C17orf67: variants seen among roughly 807,000 people sequenced by gnomAD.
C17orf67 encodes uncharacterized protein C17orf67.
C17orf67 carries 12 observed loss-of-function variants against 11.2 expected under a neutral mutation model. The ratio of observed to expected loss-of-function variants is 1.07; its 90% CI spans 0.68 to 1.73. The LOEUF (loss-of-function observed/expected upper bound fraction) is 1.73, where lower values mean the gene tolerates loss of function less well. C17orf67 is among the 40% of genes most tolerant of loss of function. The pLI, the probability that C17orf67 is intolerant of heterozygous loss-of-function variation, is 0.00. For synonymous variants in C17orf67, 59 were observed against 46.9 expected (o/e 1.26, Z -1.05); for missense variants, 115 against 113.5 (o/e 1.01, Z -0.06).
At chr17:56,799,983 TG>T (rs1002679268) in intron 6 of C17orf67, among the ~76,000 whole-genome samples, 2 of 31,634 alleles carry the variant, frequency 6.3e-5, no homozygotes, top group Non-Finnish European at 1.4e-4. Flanking sequence ...CTTAAAGTCA[TG>T]AAAAAAAAAA....
chr17:56,823,634 T>A (rs1407785733), intron 4 of C17orf67, among the ~76,000 whole-genome samples: 3 of 152,024 alleles, frequency 2.0e-5, no homozygotes, highest in Admixed American at 6.6e-5. Context: ...GGAAATCTTT[T>A]AGAAAAATAG....
At chr17:56,830,544 A>G (rs1906171657) in intron 2 of C17orf67, among the ~76,000 whole-genome samples, 1 of 152,216 alleles carries the variant, frequency 6.6e-6, no homozygotes, top group African/African-American at 2.4e-5. Context: ...TTCTAAGAAG[A>G]AATCCCCTTG....
At chr17:56,800,127 G>A (rs1266009019) in intron 6 of C17orf67, among the ~76,000 whole-genome samples, 7 of 143,660 alleles carry the variant, frequency 4.9e-5, no homozygotes, top group African/African-American at 1.8e-4. Context: ...GTGCAGTGGC[G>A]CCATCGCGGC....
At chr17:56,801,711 T>C (rs1453152666) in intron 6 of C17orf67, among the ~76,000 whole-genome samples, 1 of 152,192 alleles carries the variant, frequency 6.6e-6, no homozygotes, top group East Asian at 1.9e-4. Context: ...TTTCTGAACA[T>C]GTTTGCGGAT....
chr17:56,830,411 G>C (rs1200862485), intron 2 of C17orf67, among the ~76,000 whole-genome samples: 1 of 151,874 alleles, frequency 6.6e-6, no homozygotes, highest in East Asian at 1.9e-4. Flanking sequence ...AAGTAAAAGG[G>C]AATGTTTAAA....
intron 1 of C17orf67, 47 bp downstream of exon 1, chr17:56,833,571 C>G (rs1273092047): frequency 6.6e-6 from 1 of 151,048 alleles, no homozygotes; most frequent in Non-Finnish European, 1.5e-5. Flanking sequence ...CGCCGCTCCG[C>G]AGCGGAGGAG....
chr17:56,828,180 T>A (rs1314097309), intron 2 of C17orf67, among the ~76,000 whole-genome samples: 1 of 143,086 alleles, frequency 7.0e-6, no homozygotes, highest in African/African-American at 2.6e-5. Context: ...ACAGGGTGGG[T>A]GGATCATCTG....
At chr17:56,821,010 A>G (rs868052374) in intron 4 of C17orf67, among the ~76,000 whole-genome samples, 15 of 152,188 alleles carry the variant, frequency 9.9e-5, no homozygotes, top group Middle Eastern at 3.4e-3. Context: ...CCTGGGTTCC[A>G]ATGATCCTCC....
rs557852746 is a variant in C17orf67 at position 56,792,260 on chromosome 17, G to A, written c.*113C>T. The A allele has an allele frequency of 6.6e-6, 1 of 152,368 alleles. No homozygotes were observed. Among genetic ancestry groups the A allele is most frequent in the South Asian group, 2.1e-4 (1 of 4,828 alleles). 9.4% of individuals were successfully genotyped at this position (152,368 alleles called of 1,614,324 possible). ...GATATGCCCACAGTTCACGAGGTCT[G>A]AAGACATCCATTTCTGCAATTTAAA... On this transcript the variant is annotated 3_prime_UTR_variant, in exon 8 of 8. Coordinates refer to ENST00000397861, the MANE Select transcript of C17orf67 (RefSeq NM_001085430.4).
chr17:56,810,193 A>G (rs958085118), intron 6 of C17orf67, among the ~76,000 whole-genome samples: 6 of 132,668 alleles, frequency 4.5e-5, no homozygotes, highest in African/African-American at 1.7e-4. Flanking sequence ...CACACCCTTC[A>G]CACACACACT....
At chr17:56,828,107 CAAAA>C (rs11379714) in intron 2 of C17orf67, among the ~76,000 whole-genome samples, 2 of 109,266 alleles carry the variant, frequency 1.8e-5, no homozygotes, top group East Asian at 4.8e-4. Flanking sequence ...GACTCAGTCT[CAAAA>C]AAAAAAAAAA....
chr17:56,800,854 G>A (rs1219410957), intron 6 of C17orf67, among the ~76,000 whole-genome samples: 2 of 152,198 alleles, frequency 1.3e-5, no homozygotes, highest in Non-Finnish European at 2.9e-5. Flanking sequence ...GTTTAGTGGA[G>A]GTCGTAGGTG....
intron 2 of C17orf67, among the ~76,000 whole-genome samples, chr17:56,826,906 A>G (rs1350669255): frequency 2.0e-5 from 3 of 152,220 alleles, no homozygotes; most frequent in Non-Finnish European, 2.9e-5. Context: ...CAGAGATGGA[A>G]GCAGGGTGCA....
chr17:56,797,819 G>C (rs76050128), intron 6 of C17orf67, among the ~76,000 whole-genome samples: 319 of 152,226 alleles, frequency 2.1e-3, no homozygotes, highest in African/African-American at 7.2e-3. Flanking sequence ...AATGCGCCTT[G>C]GTCTTCCCCG....
chr17:56,817,599 G>T (rs1905790932), intron 4 of C17orf67, among the ~76,000 whole-genome samples: 1 of 152,028 alleles, frequency 6.6e-6, no homozygotes, highest in Non-Finnish European at 1.5e-5. Context: ...GACTACAAGT[G>T]TGCATCTCCA....
chr17:56,800,139 C>A (rs1273466921), intron 6 of C17orf67, among the ~76,000 whole-genome samples: 1 of 146,148 alleles, frequency 6.8e-6, no homozygotes. Flanking sequence ...CATCGCGGCT[C>A]ACTGCAAGCT....
intron 2 of C17orf67, among the ~76,000 whole-genome samples, chr17:56,828,354 G>C (rs957003324): frequency 3.3e-5 from 5 of 150,906 alleles, no homozygotes; most frequent in African/African-American, 1.2e-4. Context: ...GTGGTGAGCC[G>C]GGATCACACC....
chr17:56,832,226 G>A (rs147978565), intron 2 of C17orf67, among the ~76,000 whole-genome samples: 4 of 152,256 alleles, frequency 2.6e-5, no homozygotes, highest in Non-Finnish European at 4.4e-5. Context: ...GGTTACAGGC[G>A]TGAGCCACAG....
intron 6 of C17orf67, among the ~76,000 whole-genome samples, chr17:56,795,875 A>G (rs899255350): frequency 2.0e-5 from 3 of 152,240 alleles, no homozygotes; most frequent in Admixed American, 6.5e-5. Flanking sequence ...TCTTAGAAAT[A>G]GCATACTGAG....
Sources: gnomAD v4.1 joint callset for allele counts (sites outside exome capture counted in the v4.1 genomes callset) on GRCh38, gnomAD v4.1.1 for gene constraint, MANE v1.5 for transcripts, NCBI Gene and HGNC (gene_info 2026-07-23, HGNC 2026-07-21) for gene names.